Variants in SLC28A3 observed in about 807,000 individuals in gnomAD.
The protein encoded by SLC28A3 is concentrative Na(+)-nucleoside cotransporter 3.
SLC28A3 carries 68 observed loss-of-function variants against 84.2 expected under a neutral mutation model. The ratio of observed to expected loss-of-function variants is 0.81; its 90% CI spans 0.66 to 0.99. SLC28A3 has a LOEUF of 0.99. SLC28A3 is among the 50% of genes least tolerant of loss of function. The pLI is 0.00. For missense variants in SLC28A3, 712 were observed against 841.5 expected (o/e 0.85, Z 1.90); for synonymous variants, 267 against 303.6 (o/e 0.88, Z 1.25).
At chr9:84,279,202 T>C (rs1310971502) in intron 17 of SLC28A3, 63 bp downstream of exon 17, 1 of 1,394,192 alleles carries the variant, frequency 7.2e-7, no homozygotes, top group African/African-American at 1.5e-5. Flanking sequence ...TAAGTGGATA[T>C]TTAGGTGTGA....
chr9:84,289,907 A>G, intron 11 of SLC28A3: 1 of 309,974 alleles, frequency 3.2e-6, no homozygotes, highest in Non-Finnish European at 5.9e-6. Flanking sequence ...CAACTTTATC[A>G]TATGATTGCA....
intron 15 of SLC28A3, 100 bp from the exon 16 acceptor site, chr9:84,280,173 A>ATTTT: frequency 1.0e-6 from 1 of 964,750 alleles, no homozygotes; most frequent in Non-Finnish European, 1.4e-6. Flanking sequence ...AGGTCAGCTG[A>ATTTT]CTTTTTTTTT....
chr9:84,293,181 C>T (rs1253079987), intron 9 of SLC28A3, among the ~76,000 whole-genome samples: 2 of 152,124 alleles, frequency 1.3e-5, no homozygotes, highest in African/African-American at 4.8e-5. Context: ...AAGCACAGAA[C>T]AGTTTAGTTG....
In SLC28A3 at chr9:84,282,268, T is replaced by A. The variant is rs537214196; in HGVS notation, c.1648-1386A>T. The stretch of plus-strand genomic sequence containing the variant: ...TGGGAGTGGGGTTGTTGACTACAAA[T>A]GGCCATGAGGAAAACCTTTTTTTTT... On this transcript the variant is annotated intron_variant, in intron 14 of 17. Transcript: ENST00000376238. 7.3e-5 allele frequency among the ~76,000 whole-genome samples: 11 copies of A among 151,196 alleles called. 1 individual carries two copies. The South Asian group carries it at 2.3e-3, about 32-fold the overall frequency.
intron 1 of SLC28A3, 140 bp from the exon 2 acceptor site, chr9:84,313,594 C>A: frequency 1.5e-6 from 1 of 651,702 alleles, no homozygotes; most frequent in Non-Finnish European, 2.6e-6. Context: ...ATTCAACAAA[C>A]AGCTGACAAA....
At chr9:84,363,648 A>C in the SLC28A3 span, among the ~76,000 whole-genome samples, 1 of 152,186 alleles carries the variant, frequency 6.6e-6, no homozygotes, top group African/African-American at 2.4e-5. Context: ...GCTAACAGAG[A>C]AAAAGATAAA....
chr9:84,352,860 TG>T, the SLC28A3 span, among the ~76,000 whole-genome samples: 1 of 128,114 alleles, frequency 7.8e-6, no homozygotes, highest in African/African-American at 3.1e-5. Flanking sequence ...ACGACTGAAC[TG>T]CAGCCTGGGT....
the SLC28A3 span, among the ~76,000 whole-genome samples, chr9:84,367,386 G>A: frequency 6.6e-6 from 1 of 152,210 alleles, no homozygotes; most frequent in South Asian, 2.1e-4. Context: ...TTGCCCATTT[G>A]TGGCTGTGCT....
At chr9:84,357,504 C>T in the SLC28A3 span, among the ~76,000 whole-genome samples, 2,372 of 151,998 alleles carry the variant, frequency 0.016, 57 homozygotes, top group African/African-American at 0.054. Context: ...TGGCCTGCCG[C>T]TCCTGTTGGT....
the SLC28A3 span, among the ~76,000 whole-genome samples, chr9:84,351,156 T>C: frequency 1.3e-5 from 2 of 152,234 alleles, no homozygotes; most frequent in Admixed American, 1.3e-4. Context: ...TATAACTTTT[T>C]AAACTTCTTT....
intron 3 of SLC28A3, among the ~76,000 whole-genome samples, chr9:84,306,913 T>C (rs1447930278): frequency 6.8e-6 from 1 of 146,374 alleles, no homozygotes; most frequent in Non-Finnish European, 1.5e-5. Flanking sequence ...ATCCTAGCAC[T>C]TTGAGAGGCC....
intron 6 of SLC28A3, 137 bp downstream of exon 6, chr9:84,299,444 C>G: frequency 9.2e-7 from 1 of 1,092,812 alleles, no homozygotes; most frequent in Middle Eastern, 2.9e-4. Context: ...ATAGGGCACC[C>G]TGGTCACGTT....
intron 3 of SLC28A3, among the ~76,000 whole-genome samples, chr9:84,307,607 G>A (rs998020463): frequency 6.6e-6 from 1 of 151,970 alleles, no homozygotes; most frequent in African/African-American, 2.4e-5. Flanking sequence ...GAAAATATTG[G>A]GTGAATAAAA....
Position 84,340,576 on chromosome 9 carries a change from G to T in SLC28A3, c.58C>A (p.Gln20Lys). 1 of 1,614,152 alleles carries T rather than the reference G, an allele frequency of 6.2e-7. No individual in the cohort carries two copies. Among genetic ancestry groups the T allele is most frequent in the Non-Finnish European group, 8.5e-7 (1 of 1,180,018 alleles). ...CATAAGAGGAAAGCTCTGCTCACCTGGAAGCCCACGTTGCTGTAGCCCTCA... is the reference window on the plus strand; with the variant it reads ...CATAAGAGGAAAGCTCTGCTCACCTTGAAGCCCACGTTGCTGTAGCCCTCA... Reference protein sequence around the residue: ...RAEGYSNVGFQNEENFLENEN... With the variant: ...RAEGYSNVGFKNEENFLENEN... The change falls in exon 1 of 18, where the codon CAG becomes AAG. Residue 20 changes from glutamine to lysine, a missense_variant and splice_region_variant. Transcript: ENST00000376238.
intron 1 of SLC28A3, among the ~76,000 whole-genome samples, chr9:84,326,081 A>C (rs1445919479): frequency 6.6e-6 from 1 of 152,172 alleles, no homozygotes; most frequent in Admixed American, 6.6e-5. Flanking sequence ...ATGTATCTGC[A>C]ATCATAAGAG....
chr9:84,308,690 G>A (rs1046951681), intron 3 of SLC28A3, among the ~76,000 whole-genome samples: 6 of 152,120 alleles, frequency 3.9e-5, no homozygotes, highest in African/African-American at 1.4e-4. Flanking sequence ...ATTTAAGTAG[G>A]AATATAGAAG....
At chr9:84,345,037 C>A (rs1336233553), upstream of SLC28A3, among the ~76,000 whole-genome samples, 1 of 152,168 alleles carries the variant, frequency 6.6e-6, no homozygotes, top group Non-Finnish European at 1.5e-5. Context: ...TTTTCATCGA[C>A]ATACCCATTT....
intron 1 of SLC28A3, among the ~76,000 whole-genome samples, chr9:84,332,369 A>T (rs919914963): frequency 6.6e-6 from 1 of 152,224 alleles, no homozygotes; most frequent in Non-Finnish European, 1.5e-5. Flanking sequence ...CTAAGTAGTT[A>T]TGTGAGAAAA....
At chr9:84,280,158 G>T (rs2118035516) in intron 15 of SLC28A3, 85 bp from the exon 16 acceptor site, 1 of 1,302,808 alleles carries the variant, frequency 7.7e-7, no homozygotes. Flanking sequence ...TCTGAGGCTG[G>T]GCTCAGGTCA....
Sources: gnomAD v4.1 joint callset for allele counts (sites outside exome capture counted in the v4.1 genomes callset) on GRCh38, gnomAD v4.1.1 for gene constraint, MANE v1.5 for transcripts, NCBI Gene and HGNC (gene_info 2026-07-23, HGNC 2026-07-21) for gene names.